The following CTNNA3 variants were observed in gnomAD, a reference collection of about 807,000 sequenced individuals.
The protein encoded by CTNNA3 is catenin alpha-3.
CTNNA3 carries 76 observed loss-of-function variants against 95.7 expected under a neutral mutation model. The observed-to-expected ratio is 0.79, with a 90% CI of 0.66 to 0.96. The LOEUF is 0.96. Ranked by LOEUF, CTNNA3 falls within the 40% of genes least tolerant of loss-of-function variation. The pLI, the probability that CTNNA3 is intolerant of heterozygous loss-of-function variation, is 0.00. For missense variants in CTNNA3, 1,191 were observed against 1,089.8 expected, an observed-to-expected ratio of 1.09 and a Z score of -1.31; for synonymous variants, 431 against 374.4, an observed-to-expected ratio of 1.15 and a Z score of -1.74.
At chr10:67,029,552 T>C (rs1455491929) in intron 7 of CTNNA3, among the ~76,000 whole-genome samples, 2 of 152,194 alleles carry the variant, frequency 1.3e-5, no homozygotes, top group African/African-American at 4.8e-5. Context: ...CACTTAAGAT[T>C]TTGAATGTCA....
rs181906138 is a variant in CTNNA3 at position 67,228,795 on chromosome 10, G to A, written c.580-8925C>T. ...CGGTAAGAATTAGATACCCTGAACA[G>A]ACCAATAACAAGCAGCGAGATTGAA... On this transcript the variant is annotated intron_variant, in intron 5 of 17. Coordinates refer to ENST00000433211, the MANE Select transcript of CTNNA3 (RefSeq NM_013266.4). Among the ~76,000 whole-genome samples the A allele has an allele frequency of 3.4e-3, 511 of 152,170 alleles. 1 individual carries two copies. Among genetic ancestry groups the A allele is most frequent in the African/African-American group, 0.011 (473 of 41,502 alleles).
At chr10:67,702,313 C>T (rs1841046055) in intron 1 of CTNNA3, among the ~76,000 whole-genome samples, 1 of 152,132 alleles carries the variant, frequency 6.6e-6, no homozygotes, top group African/African-American at 2.4e-5. Flanking sequence ...CCCAAATCAA[C>T]AGAATATACA....
At chr10:66,598,481 G>A (rs1478429234) in intron 10 of CTNNA3, among the ~76,000 whole-genome samples, 1 of 151,972 alleles carries the variant, frequency 6.6e-6, no homozygotes, top group Non-Finnish European at 1.5e-5. Flanking sequence ...GTTCTTGTTT[G>A]TAGACAACAT....
At chr10:66,589,594 C>T (rs1033649020) in intron 10 of CTNNA3, among the ~76,000 whole-genome samples, 3 of 152,114 alleles carry the variant, frequency 2.0e-5, no homozygotes, top group Admixed American at 1.3e-4. Flanking sequence ...CTGGGTTTAA[C>T]TCATCAGTGA....
chr10:66,329,002 G>A (rs1007991856), intron 12 of CTNNA3, among the ~76,000 whole-genome samples: 1 of 147,728 alleles, frequency 6.8e-6, no homozygotes, highest in Non-Finnish European at 1.5e-5. Flanking sequence ...CCAGGCTGGA[G>A]TGCAATGTCA....
At chr10:67,637,432 A>G (rs1839356942) in intron 2 of CTNNA3, among the ~76,000 whole-genome samples, 2 of 152,238 alleles carry the variant, frequency 1.3e-5, no homozygotes, top group Admixed American at 6.5e-5. Context: ...CAAGTTGGAA[A>G]ACACTCTGCA....
intron 11 of CTNNA3, among the ~76,000 whole-genome samples, chr10:66,409,362 C>T (rs979209215): frequency 2.2e-4 from 33 of 151,766 alleles, no homozygotes; most frequent in Admixed American, 2.0e-4. Context: ...TCATCTCATC[C>T]TCTTCAATCT....
chr10:66,286,281 T>G (rs1246927913), intron 12 of CTNNA3, among the ~76,000 whole-genome samples: 2 of 152,046 alleles, frequency 1.3e-5, no homozygotes, highest in Non-Finnish European at 1.5e-5. Flanking sequence ...CTTTTACTTT[T>G]TAGCTTTCTG....
chr10:66,313,518 C>A (rs1022475197), intron 12 of CTNNA3, among the ~76,000 whole-genome samples: 10 of 152,192 alleles, frequency 6.6e-5, no homozygotes, highest in Non-Finnish European at 1.5e-4. Context: ...CTAGAGTTCT[C>A]TTCTCCCAGC....
chr10:67,491,189 G>T (rs1848636063), intron 5 of CTNNA3, among the ~76,000 whole-genome samples: 1 of 152,120 alleles, frequency 6.6e-6, no homozygotes, highest in Admixed American at 6.5e-5. Context: ...AGATTATGAA[G>T]ACTTTCACCA....
At chr10:66,339,666 G>T (rs972611912) in intron 12 of CTNNA3, among the ~76,000 whole-genome samples, 4 of 151,680 alleles carry the variant, frequency 2.6e-5, no homozygotes, top group African/African-American at 9.7e-5. Context: ...CTTGAGTGCC[G>T]TCTAATGTCC....
intron 8 of CTNNA3, 27 bp from the exon 9 acceptor site, chr10:66,766,443 T>G (rs1450063387): frequency 1.3e-6 from 2 of 1,576,968 alleles, no homozygotes; most frequent in Admixed American, 3.6e-5. Flanking sequence ...AATTCAGGTT[T>G]TTTTTTTCCA....
At chr10:67,077,221 C>T (rs919940190) in intron 7 of CTNNA3, among the ~76,000 whole-genome samples, 1 of 152,174 alleles carries the variant, frequency 6.6e-6, no homozygotes, top group African/African-American at 2.4e-5. Flanking sequence ...TGCACATGTT[C>T]GCTCTGGACC....
At chr10:67,403,710 C>T (rs915885344) in intron 5 of CTNNA3, among the ~76,000 whole-genome samples, 17 of 152,192 alleles carry the variant, frequency 1.1e-4, no homozygotes, top group African/African-American at 3.4e-4. Flanking sequence ...TACAAAAACG[C>T]AGGAAGGCTG....
At chr10:67,714,164 G>T (rs1275848574) in intron 1 of CTNNA3, among the ~76,000 whole-genome samples, 6 of 152,078 alleles carry the variant, frequency 3.9e-5, no homozygotes, top group African/African-American at 1.4e-4. Context: ...GTGAGAAGAG[G>T]GCCACCATCC....
At chr10:67,011,681 T>C (rs2133040142) in intron 7 of CTNNA3, among the ~76,000 whole-genome samples, 1 of 152,310 alleles carries the variant, frequency 6.6e-6, no homozygotes, top group South Asian at 2.1e-4. Context: ...ATAGCAAATA[T>C]ATAGAGTGCT....
chr10:67,726,130 A>G (rs1222300869), intron 1 of CTNNA3, among the ~76,000 whole-genome samples: 2 of 113,846 alleles, frequency 1.8e-5, no homozygotes, highest in African/African-American at 7.2e-5. Flanking sequence ...TATATTAGAT[A>G]ATATATATTA....
At chr10:67,420,992 AT>A (rs1175489796) in intron 5 of CTNNA3, among the ~76,000 whole-genome samples, 3 of 152,168 alleles carry the variant, frequency 2.0e-5, no homozygotes, top group African/African-American at 7.2e-5. Context: ...CACAAGGTAC[AT>A]GTTAAAGGCC....
intron 4 of CTNNA3, among the ~76,000 whole-genome samples, chr10:67,526,719 AAC>A (rs1326643043): frequency 6.6e-6 from 1 of 152,228 alleles, no homozygotes; most frequent in Non-Finnish European, 1.5e-5. Context: ...CTCTTACCCT[AAC>A]AGATTTTACA....
Sources: allele counts gnomAD v4.1 joint callset (sites outside exome capture counted in the v4.1 genomes callset), GRCh38; gene constraint gnomAD v4.1.1; transcripts MANE v1.5; gene names NCBI Gene and HGNC (gene_info 2026-07-23, HGNC 2026-07-21).